Variants in NAV2 observed in about 807,000 individuals in gnomAD.
NAV2 encodes helicase, APC down-regulated 1.
Under a neutral mutation model 223.2 loss-of-function variants are expected in NAV2, and 54 were observed. The observed-to-expected ratio is 0.24, with a 90% CI of 0.19 to 0.30. The LOEUF is 0.30. NAV2 is among the 10% of genes least tolerant of loss of function. The pLI is 1.00. For missense variants in NAV2, 2,806 were observed against 3,147.5 expected (o/e 0.89, Z 2.60); for synonymous variants, 1,279 against 1,239.3 (o/e 1.03, Z -0.67).
At chr11:19,621,357 A>G (rs934030597) in intron 1 of NAV2, among the ~76,000 whole-genome samples, 2 of 152,212 alleles carry the variant, frequency 1.3e-5, no homozygotes, top group Non-Finnish European at 2.9e-5. Flanking sequence ...TACCTCTGGT[A>G]GAATTCGGCT....
chr11:20,036,168 A>C (rs1303927769), intron 12 of NAV2, 71 bp downstream of exon 12: 1 of 1,585,044 alleles, frequency 6.3e-7, no homozygotes, highest in Non-Finnish European at 8.6e-7. Context: ...CTTGTGGGGT[A>C]AGAGGGCCAT....
At chr11:19,959,188 G>T (rs531089896) in intron 10 of NAV2, among the ~76,000 whole-genome samples, 2 of 152,124 alleles carry the variant, frequency 1.3e-5, no homozygotes, top group Non-Finnish European at 2.9e-5. Context: ...GGCCTCTCAG[G>T]CCACCCCCAG....
intron 1 of NAV2, among the ~76,000 whole-genome samples, chr11:19,418,603 A>G (rs1047307522): frequency 6.6e-6 from 1 of 152,216 alleles, no homozygotes; most frequent in African/African-American, 2.4e-5. Flanking sequence ...GTAGGGGCAC[A>G]TTTAAGGAAC....
chr11:19,931,686 C>T (rs1328230834), intron 6 of NAV2: 1 of 150,668 alleles, frequency 6.6e-6, no homozygotes, highest in Non-Finnish European at 1.5e-5. Context: ...TAATTAGAAA[C>T]ATGAGCAGTT....
chr11:20,063,662 A>C (rs2058852771), intron 20 of NAV2, among the ~76,000 whole-genome samples: 1 of 152,164 alleles, frequency 6.6e-6, no homozygotes, highest in Non-Finnish European at 1.5e-5. Context: ...GGCGTGAGCC[A>C]CCGCGCATGG....
chr11:20,005,619 A>G (rs1412415733), intron 11 of NAV2, among the ~76,000 whole-genome samples: 1 of 152,028 alleles, frequency 6.6e-6, no homozygotes, highest in Non-Finnish European at 1.5e-5. Context: ...CAGATTTTCA[A>G]TAAGGAGAGG....
intron 29 of NAV2, 124 bp downstream of exon 29, chr11:20,093,323 C>T: frequency 1.5e-6 from 1 of 677,234 alleles, no homozygotes; most frequent in East Asian, 2.7e-5. Context: ...TACTACTAAC[C>T]CTTCTCTTAA....
intron 1 of NAV2, among the ~76,000 whole-genome samples, chr11:19,729,274 T>C (rs947792070): frequency 6.6e-6 from 1 of 152,148 alleles, no homozygotes; most frequent in Non-Finnish European, 1.5e-5. Context: ...TTTGAATGCA[T>C]GCAAGATCCC....
Position 19,461,119 on chromosome 11 carries a change from C to A in NAV2, c.75+110092C>A, listed in dbSNP as rs115907366. On this transcript the variant is annotated intron_variant, in intron 1 of 37. Transcript: ENST00000360655. The stretch of plus-strand genomic sequence containing the variant: ...TTTGGCTCCTTTGTGGCCATCTGGT[C>A]CCCTTAGTGGAGATCTGTTTTGTTG... Among the ~76,000 whole-genome samples, 510 of 152,268 alleles carry A rather than the reference C, an allele frequency of 3.3e-3. 3 individuals are homozygous for A. The highest frequency in any genetic ancestry group is 0.012 in the African/African-American group (481 of 41,548).
chr11:19,778,494 C>T (rs1447357986), intron 1 of NAV2: 2 of 226,830 alleles, frequency 8.8e-6, no homozygotes, highest in Non-Finnish European at 9.0e-6. Context: ...AAGATGCTAC[C>T]AAAAACAAAA....
intron 6 of NAV2, among the ~76,000 whole-genome samples, chr11:19,930,908 A>G (rs1438053991): frequency 6.6e-6 from 1 of 152,218 alleles, no homozygotes; most frequent in East Asian, 1.9e-4. Context: ...GATGTCATGA[A>G]CATACATAAG....
intron 5 of NAV2, among the ~76,000 whole-genome samples, chr11:19,885,742 C>T (rs2040910579): frequency 6.6e-6 from 1 of 152,104 alleles, no homozygotes; most frequent in Admixed American, 6.5e-5. Context: ...CAGAGATATC[C>T]AAGTGAAGTG....
rs115740188 is a variant in NAV2, at chr11:19,652,096, T to G, written c.76-180388T>G. On this transcript the variant is annotated intron_variant, in intron 1 of 37. Coordinates refer to the NAV2 transcript ENST00000360655. Reference sequence around the variant, plus strand: ...ATTTCATAATAACTCGGATGCACAGTGATTAATCCAAGATATTAACCAATT... The same window carrying G: ...ATTTCATAATAACTCGGATGCACAGGGATTAATCCAAGATATTAACCAATT... Among the ~76,000 whole-genome samples the G allele has an allele frequency of 9.2e-3, 1,406 of 152,232 alleles. 33 individuals carry two copies. The highest frequency in any genetic ancestry group is 0.032 in the African/African-American group (1,345 of 41,524).
At chr11:19,659,046 A>G (rs767890793) in intron 1 of NAV2, among the ~76,000 whole-genome samples, 3 of 152,212 alleles carry the variant, frequency 2.0e-5, no homozygotes, top group Non-Finnish European at 4.4e-5. Context: ...AGTGAGTTAA[A>G]TAGACATATT....
At chr11:19,999,268 A>G (rs111307121) in intron 11 of NAV2, among the ~76,000 whole-genome samples, 29 of 152,358 alleles carry the variant, frequency 1.9e-4, no homozygotes, top group African/African-American at 6.3e-4. Flanking sequence ...AAGAGAGATA[A>G]CCATGGCCCA....
intron 1 of NAV2, among the ~76,000 whole-genome samples, chr11:19,798,787 G>A (rs77985739): frequency 0.054 from 8,256 of 152,310 alleles, 285 homozygotes; most frequent in Non-Finnish European, 0.085. Context: ...TTACCAAGTG[G>A]ATGGTGGAGA....
chr11:19,456,015 A>G (rs1851946824), intron 1 of NAV2, among the ~76,000 whole-genome samples: 1 of 152,208 alleles, frequency 6.6e-6, no homozygotes, highest in Non-Finnish European at 1.5e-5. Context: ...GGAGGGAAGG[A>G]GGCCAAGCCA....
Position 19,820,142 on chromosome 11 carries a change from C to A in NAV2, c.268-12342C>A, listed in dbSNP as rs114244913. 4.2e-3 allele frequency among the ~76,000 whole-genome samples: 646 copies of A among 152,318 alleles called. 4 individuals are homozygous for A. The highest frequency in any genetic ancestry group is 0.015 in the African/African-American group (618 of 41,566). ...TTAAAAGGTCAGTTTGTGACCAGAC[C>A]AGAGAGAGGCCTTGTAGTGGCCCAG... On this transcript the variant is annotated intron_variant, in intron 1 of 37. Coordinates refer to ENST00000349880, the MANE Select transcript of NAV2 (RefSeq NM_145117.5).
At chr11:20,106,177 G>A (rs530440723) in intron 35 of NAV2, among the ~76,000 whole-genome samples, 2,501 of 13,696 alleles carry the variant, frequency 0.18, 249 homozygotes, top group Middle Eastern at 0.4. Flanking sequence ...ATATATATAT[G>A]TGTGTGTATA....
Sources: allele counts gnomAD v4.1 joint callset (sites outside exome capture counted in the v4.1 genomes callset), GRCh38; gene constraint gnomAD v4.1.1; transcripts MANE v1.5; gene names NCBI Gene and HGNC (gene_info 2026-07-23, HGNC 2026-07-21).